LRP4: variants seen among roughly 807,000 people sequenced by gnomAD.
LRP4 encodes low-density lipoprotein receptor-related protein 4.
LRP4 carries 95 observed loss-of-function variants against 220.3 expected under a neutral mutation model. That is an observed-to-expected ratio of 0.43 (90% confidence interval 0.37 to 0.51). The LOEUF (loss-of-function observed/expected upper bound fraction) is 0.51. LRP4 is among the 20% of genes least tolerant of loss of function. The probability of loss-of-function intolerance (pLI) is 0.00; values close to 1 mark genes in which losing one functional copy is unlikely to be tolerated. For missense variants in LRP4, 1,925 were observed against 2,567.0 expected (o/e 0.75, Z 5.40); for synonymous variants, 903 against 954.6 (o/e 0.95, Z 1.00).
chr11:46,881,576 C>A, intron 20 of LRP4, 126 bp downstream of exon 20: 1 of 926,968 alleles, frequency 1.1e-6, no homozygotes. Flanking sequence ...CCATGCTGGT[C>A]CCATAACCTC....
At chr11:46,894,004 G>A (rs1329611136) in intron 12 of LRP4, among the ~76,000 whole-genome samples, 2 of 145,662 alleles carry the variant, frequency 1.4e-5, no homozygotes, top group Non-Finnish European at 3.0e-5. Flanking sequence ...CAATTCTCCT[G>A]CCTCAGCCTC....
chr11:46,864,349 G>C (rs1377160427), intron 36 of LRP4, 99 bp downstream of exon 36: 8 of 955,952 alleles, frequency 8.4e-6, no homozygotes, highest in Non-Finnish European at 1.2e-5. Flanking sequence ...AATAAGGCTG[G>C]TCAGAGCTTG....
At chr11:46,892,453 A>G (rs79937688) in intron 13 of LRP4, among the ~76,000 whole-genome samples, 3,623 of 152,276 alleles carry the variant, frequency 0.024, 139 homozygotes, top group African/African-American at 0.082. Context: ...CAATTTAGAA[A>G]TGAGTAAACA....
chr11:46,881,624 G>C, intron 20 of LRP4, 78 bp downstream of exon 20: 1 of 1,408,750 alleles, frequency 7.1e-7, no homozygotes, highest in Non-Finnish European at 1.0e-6. Flanking sequence ...CAGCCAAAAA[G>C]TACTGTCCTG....
chr11:46,918,077 TACCCGCGCCCCGGCCCAG>T lies in LRP4; in HGVS notation c.52+233_52+250del, dbSNP rs1014555510. Among the ~76,000 whole-genome samples the T allele has an allele frequency of 2.8e-4, 42 of 151,928 alleles. No homozygotes were observed. The highest frequency in any genetic ancestry group is 7.2e-4 in the Admixed American group (11 of 15,282). ...GCGAGCGAACGAACGCCCCGGACCT[TACCCGCGCCCCGGCCCAG>T]ACCCGCGCCCCGGCCCAGACCCGAA... On this transcript the variant is annotated intron_variant, in intron 1 of 37. Transcript: ENST00000378623. This position sits in a 1 kb window ranked among gnomAD's most constrained non-coding sequence, Gnocchi z 6.0.
chr11:46,902,993 G>A, intron 1 of LRP4, 64 bp from the exon 2 acceptor site: 1 of 1,606,852 alleles, frequency 6.2e-7, no homozygotes, highest in Non-Finnish European at 8.5e-7. Context: ...CCATTCCGAG[G>A]GGAAAGTAGA....
In LRP4 at chr11:46,878,912, G is replaced by A. The variant is rs1941082386; in HGVS notation, c.3131C>T (p.Ser1044Leu). 1.2e-6 allele frequency: 2 copies of A among 1,614,160 alleles called. No individual in the cohort carries two copies. Among genetic ancestry groups the A allele is most frequent in the East Asian group, 2.2e-5 (1 of 44,890 alleles). Residue 1044 changes from serine (S) to leucine (L), a missense_variant, in exon 22 of 38, where the codon TCA becomes TTA. By Grantham distance (145) the Ser-to-Leu change is moderately radical. Coordinates refer to ENST00000378623, the MANE Select transcript of LRP4 (RefSeq NM_002334.4). ...TCTGTGATGCTTTCACTCACCTGGT[G>A]AGCAGGTCTTGCCATCAGACAGCAG... Reference protein sequence around the residue: ...INLLSDGKTCSPGMNSFLIFA... With the variant: ...INLLSDGKTCLPGMNSFLIFA...
intron 18 of LRP4, 91 bp downstream of exon 18, chr11:46,886,000 G>A (rs1348221725): frequency 9.3e-7 from 1 of 1,079,716 alleles, no homozygotes; most frequent in East Asian, 2.4e-5. Context: ...AGTGGTCCAG[G>A]AGAGACACTG....
In LRP4 at chr11:46,874,826, G is replaced by A; in HGVS notation, c.4203C>T (p.Tyr1401=). The change falls in exon 28 of 38, where the codon TAC becomes TAT. Residue 1401 remains tyrosine, a synonymous_variant. Transcript: ENST00000378623. The stretch of plus-strand genomic sequence containing the variant: ...TGATAACATCCAGGAACACATCTGT[G>A]TAATAGACCTTTCCATCCACGCTGT... ...DYDSVDGKVY[Y]TDVFLDVIRR... The A allele has an allele frequency of 1.2e-6, 2 of 1,614,084 alleles. No individual in the cohort carries two copies. The highest frequency in any genetic ancestry group is 2.2e-5 in the East Asian group (1 of 44,886).
chr11:46,864,550 G>T lies in LRP4; in HGVS notation c.5156-15C>A, dbSNP rs1204328295. On this transcript the variant is annotated splice_polypyrimidine_tract_variant and intron_variant, in intron 35 of 37. Transcript: ENST00000378623. ...AAGTCCTTCCCCTAGGAAGAATAGA[G>T]AAACACTAGGCAGGGGCCACCGACA... The T allele has an allele frequency of 2.0e-5, 31 of 1,560,864 alleles. No individual in the cohort carries two copies. The highest frequency in any genetic ancestry group is 2.7e-5 in the Non-Finnish European group (30 of 1,131,778).
chr11:46,894,589 C>A lies in LRP4; in HGVS notation c.1540G>T (p.Gly514Trp). The change falls in exon 12 of 38, where the codon GGG becomes TGG. Residue 514 changes from glycine (G) to tryptophan (W), a missense_variant and splice_region_variant. Transcript: ENST00000378623. The stretch of plus-strand genomic sequence containing the variant: ...CTCTCCATGGGGCCTTGTTCCCTAC[C>A]TGGGCTCTCCAGCCCAGTAGACACA... Reference protein sequence around the residue: ...EVVSTGLESPGGLAVDWVHDK... With the variant: ...EVVSTGLESPWGLAVDWVHDK... 6.2e-7 allele frequency: 1 copy of A among 1,600,080 alleles called. No homozygotes were observed. Among genetic ancestry groups the A allele is most frequent in the Non-Finnish European group, 8.5e-7 (1 of 1,172,898 alleles).
Position 46,859,210 on chromosome 11 carries a change from T to G in LRP4, c.5491A>C (p.Ser1831Arg). 6.2e-7 allele frequency: 1 copy of G among 1,614,126 alleles called. No individual in the cohort carries two copies. The highest frequency in any genetic ancestry group is 1.1e-5 in the South Asian group (1 of 91,084). Reference protein sequence around the residue: ...AEWDDLKQLRSSRGGLLRDHV... With the variant: ...AEWDDLKQLRRSRGGLLRDHV... ...TCCCGGAGGAGGCCCCCCCGTGAGC[T>G]TCGCAGTTGCTTGAGGTCATCCCAC... Residue 1831 changes from serine to arginine, a missense_variant, in exon 38 of 38, where the codon AGC becomes CGC. Coordinates refer to ENST00000378623, the MANE Select transcript of LRP4 (RefSeq NM_002334.4).
chr11:46,878,463 G>A (rs1039841735), intron 22 of LRP4, among the ~76,000 whole-genome samples: 15 of 151,868 alleles, frequency 9.9e-5, no homozygotes, highest in Admixed American at 1.3e-4. Context: ...CAGTAGAGAC[G>A]AGGTTTCACC....
rs745508859 is a variant in LRP4 at position 46,895,878 on chromosome 11, G to C, written c.1183+6C>G. ...CGACTCTGCTGCAAACCAGGCCCCA[G>C]CTCACCTTGGCACGTGTGCCCATCC... On this transcript the variant is annotated splice_donor_region_variant and intron_variant, in intron 10 of 37. Transcript: ENST00000378623. 1 of 1,611,860 alleles carries C rather than the reference G, an allele frequency of 6.2e-7. No homozygotes were observed. Among genetic ancestry groups the C allele is most frequent in the South Asian group, 1.1e-5 (1 of 91,078 alleles).
intron 1 of LRP4, among the ~76,000 whole-genome samples, chr11:46,912,078 T>G (rs1941869140): frequency 6.6e-6 from 1 of 152,172 alleles, no homozygotes; most frequent in African/African-American, 2.4e-5. Flanking sequence ...GGTCTCGAAC[T>G]CCTGACGTCA....
At chr11:46,902,574 A>G (rs1401349874) in intron 2 of LRP4, among the ~76,000 whole-genome samples, 1 of 152,228 alleles carries the variant, frequency 6.6e-6, no homozygotes, top group Non-Finnish European at 1.5e-5. Flanking sequence ...TTGGACATAT[A>G]TGCATGAACC....
intron 1 of LRP4, among the ~76,000 whole-genome samples, chr11:46,910,076 C>T (rs1941831395): frequency 6.6e-6 from 1 of 152,162 alleles, no homozygotes; most frequent in African/African-American, 2.4e-5. Flanking sequence ...AAGTCTTCTC[C>T]TCAGTGGCCC....
At position 46,868,563 on chromosome 11, in the gene LRP4, C is replaced by T. The variant is rs750519481; in HGVS notation, c.4951+37G>A. 4 of 1,461,382 alleles carry T rather than the reference C, an allele frequency of 2.7e-6. No individual in the cohort carries two copies. The African/African-American group carries it at 5.5e-5, about 20-fold the overall frequency. The allele number at this position is 1,461,382 out of a possible 1,614,324, so 90.5% of individuals were successfully genotyped here. Reference sequence around the variant, plus strand: ...TGCTGACTCTCAGCCCTTCCAGGGGCTCTGCCGAGTGGCTCCAGCCATACA... The same window carrying T: ...TGCTGACTCTCAGCCCTTCCAGGGGTTCTGCCGAGTGGCTCCAGCCATACA... On this transcript the variant is annotated intron_variant, in intron 33 of 37. Coordinates refer to ENST00000378623, the MANE Select transcript of LRP4 (RefSeq NM_002334.4).
In LRP4 at chr11:46,859,122, GTGTCATCCAGGGAGCCAGAGC is replaced by G; in HGVS notation, c.5558_5578del (p.Ser1853_Asp1859del). 1 of 1,614,138 alleles carries G rather than the reference GTGTCATCCAGGGAGCCAGAGC, an allele frequency of 6.2e-7. No individual in the cohort carries two copies. The highest frequency in any genetic ancestry group is 8.5e-7 in the Non-Finnish European group (1 of 1,180,010). On this transcript the variant is annotated inframe_deletion, in exon 38 of 38. Transcript: ENST00000378623. ...TTCCTGTAACAGCTGCTCCGTCTCTGTGTCATCCAGGGAGCCAGAGCTGGCCTGGATGGACACCGTGTCTGT... is the reference window on the plus strand; with the variant it reads ...TTCCTGTAACAGCTGCTCCGTCTCTGTGGCCTGGATGGACACCGTGTCTGT...
Sources: gnomAD v4.1 joint callset for allele counts (sites outside exome capture counted in the v4.1 genomes callset) on GRCh38, gnomAD v4.1.1 for gene constraint, Gnocchi (gnomAD v3.1) non-coding constraint, MANE v1.5 for transcripts, NCBI Gene and HGNC (gene_info 2026-07-23, HGNC 2026-07-21) for gene names.